PTPRO: variants seen among roughly 807,000 people sequenced by gnomAD.
PTPRO encodes the protein receptor-type tyrosine-protein phosphatase O.
In PTPRO, 62 loss-of-function variants were observed where a neutral mutation model predicts 145.2. The ratio of observed to expected loss-of-function variants is 0.43; its 90% CI spans 0.35 to 0.53. The LOEUF (loss-of-function observed/expected upper bound fraction) is 0.53. Ranked by LOEUF, PTPRO falls within the 20% of genes least tolerant of loss-of-function variation. The probability of loss-of-function intolerance (pLI) is 0.01; values close to 1 mark genes in which losing one functional copy is unlikely to be tolerated. For missense variants in PTPRO, 1,345 were observed against 1,482.7 expected (o/e 0.91, Z 1.53); for synonymous variants, 565 against 514.7 (o/e 1.10, Z -1.32).
At chr12:15,402,389 G>GAA (rs916295955) in intron 1 of PTPRO, among the ~76,000 whole-genome samples, 7 of 137,982 alleles carry the variant, frequency 5.1e-5, no homozygotes, top group Non-Finnish European at 9.5e-5. Context: ...TCCATTTCAA[G>GAA]AAAAAAAAAA....
intron 1 of PTPRO, among the ~76,000 whole-genome samples, chr12:15,326,419 C>T (rs1356758150): frequency 1.3e-5 from 2 of 152,200 alleles, no homozygotes; most frequent in African/African-American, 4.8e-5. Flanking sequence ...CCACTGTGAA[C>T]ATATGTTTCC....
At chr12:15,487,581 C>T (rs1941916102) in intron 2 of PTPRO, among the ~76,000 whole-genome samples, 1 of 152,072 alleles carries the variant, frequency 6.6e-6, no homozygotes, top group Admixed American at 6.5e-5. Flanking sequence ...CCCATACCCC[C>T]ATCCCCAGCC....
At chr12:15,517,011 A>T (rs1942614341) in intron 9 of PTPRO, 55 bp downstream of exon 9, 1 of 1,408,422 alleles carries the variant, frequency 7.1e-7, no homozygotes, top group Non-Finnish European at 1.0e-6. Context: ...GCAAACCTTT[A>T]TGTACCAAAT....
At chr12:15,491,992 G>T (rs974569508) in intron 2 of PTPRO, among the ~76,000 whole-genome samples, 2 of 152,150 alleles carry the variant, frequency 1.3e-5, no homozygotes, top group African/African-American at 4.8e-5. Flanking sequence ...ACCTGAGGAT[G>T]CAGGAGACAC....
At position 15,589,531 on chromosome 12, in the gene PTPRO, G is replaced by A. The variant is rs780715086; in HGVS notation, c.3487G>A (p.Asp1163Asn). ...LQHIRDHEFVDILGLVSEMRS... is the reference protein window; with the variant it reads ...LQHIRDHEFVNILGLVSEMRS... ...GCACATTCGGGATCATGAGTTTGTTGACATCTTAGGGCTGGTGTCAGAAAT... is the reference window on the plus strand; with the variant it reads ...GCACATTCGGGATCATGAGTTTGTTAACATCTTAGGGCTGGTGTCAGAAAT... Residue 1163 changes from aspartate (D) to asparagine (N), a missense_variant, in exon 25 of 27, where the codon GAC (aspartate) becomes AAC (asparagine). Physicochemically the swap from Asp to Asn is conservative, Grantham distance 23. Coordinates refer to ENST00000281171, the MANE Select transcript of PTPRO (RefSeq NM_030667.3). 1 of 1,614,092 alleles carries A rather than the reference G, an allele frequency of 6.2e-7. No homozygotes were observed. The highest frequency in any genetic ancestry group is 1.1e-5 in the South Asian group (1 of 91,078).
chr12:15,424,589 G>A (rs1453051221), intron 1 of PTPRO, among the ~76,000 whole-genome samples: 13 of 152,036 alleles, frequency 8.6e-5, no homozygotes, highest in Admixed American at 7.9e-4. Flanking sequence ...TCAGGAGATG[G>A]TGAGTTCCAC....
intron 1 of PTPRO, among the ~76,000 whole-genome samples, chr12:15,430,731 C>T (rs1940412590): frequency 6.6e-6 from 1 of 151,936 alleles, no homozygotes; most frequent in African/African-American, 2.4e-5. Flanking sequence ...GTGTTCCCAC[C>T]ACACACACAA....
intron 1 of PTPRO, among the ~76,000 whole-genome samples, chr12:15,329,433 A>G (rs1047642810): frequency 6.6e-6 from 1 of 152,186 alleles, no homozygotes; most frequent in African/African-American, 2.4e-5. Context: ...GATAAACTCT[A>G]GTATTCCTGC....
chr12:15,593,560 A>T (rs921026564), intron 25 of PTPRO, among the ~76,000 whole-genome samples: 2 of 152,128 alleles, frequency 1.3e-5, no homozygotes, highest in Non-Finnish European at 2.9e-5. Flanking sequence ...CTCATTTAGG[A>T]TTTTACTATG....
At chr12:15,442,174 T>C (rs1456263309) in intron 1 of PTPRO, among the ~76,000 whole-genome samples, 1 of 152,174 alleles carries the variant, frequency 6.6e-6, no homozygotes, top group Admixed American at 6.5e-5. Context: ...ACTTCATTCC[T>C]GGAATGCAAG....
chr12:15,398,138 G>T (rs1196963156), intron 1 of PTPRO, among the ~76,000 whole-genome samples: 3 of 152,130 alleles, frequency 2.0e-5, no homozygotes, highest in Non-Finnish European at 4.4e-5. Context: ...TGGTCGTGAT[G>T]GGTCTGATTT....
intron 23 of PTPRO, among the ~76,000 whole-genome samples, chr12:15,582,809 T>C (rs1003922948): frequency 2.0e-5 from 3 of 152,316 alleles, no homozygotes; most frequent in South Asian, 2.1e-4. Context: ...TGAAGGGCTA[T>C]TGATTTCTGA....
intron 4 of PTPRO, among the ~76,000 whole-genome samples, chr12:15,501,184 A>G (rs1942213817): frequency 2.0e-5 from 3 of 152,222 alleles, no homozygotes; most frequent in African/African-American, 2.4e-5. Context: ...TGTAGGTGCA[A>G]CTATGTCACA....
Position 15,322,651 on chromosome 12 carries a change from C to A in PTPRO, c.-76C>A, listed in dbSNP as rs1366385417. Reference sequence around the variant, plus strand: ...GCGCCCAGGGTCTGAGGCTGCAGCCCCAGTTCGCCATTGTGAGCCGCCGCC... The same window carrying A: ...GCGCCCAGGGTCTGAGGCTGCAGCCACAGTTCGCCATTGTGAGCCGCCGCC... On this transcript the variant is annotated 5_prime_UTR_variant, in exon 1 of 27. Coordinates refer to ENST00000281171, the MANE Select transcript of PTPRO (RefSeq NM_030667.3). This position sits in a 1 kb window ranked among gnomAD's most constrained non-coding sequence, Gnocchi z 6.3. The A allele has an allele frequency of 7.8e-7, 1 of 1,273,990 alleles. No individual in the cohort carries two copies. The highest frequency in any genetic ancestry group is 1.1e-6 in the Non-Finnish European group (1 of 893,776). 78.9% of individuals were successfully genotyped at this position (1,273,990 alleles called of 1,614,324 possible).
At chr12:15,428,066 T>C (rs967962378) in intron 1 of PTPRO, among the ~76,000 whole-genome samples, 1 of 152,070 alleles carries the variant, frequency 6.6e-6, no homozygotes, top group African/African-American at 2.4e-5. Flanking sequence ...GAGAGAGAAA[T>C]GTGTGGGTCT....
intron 1 of PTPRO, among the ~76,000 whole-genome samples, chr12:15,356,015 G>C (rs1433783435): frequency 6.6e-6 from 1 of 152,218 alleles, no homozygotes. Context: ...TGTGACTGGA[G>C]TGTTGCCTGA....
rs748211493 is a variant in PTPRO at position 15,501,859 on chromosome 12, G to C, written c.901G>C (p.Asp301His). ...AACTACGTCTCAGCCATATTGGTGG[G>C]ACAGTGCATCTGCAGCTCCTGAAAG... ...YETTSQPYWWDSASAAPESED... is the reference protein window; with the variant it reads ...YETTSQPYWWHSASAAPESED... The change falls in exon 5 of 27, where the codon GAC becomes CAC. Residue 301 changes from aspartate (D) to histidine (H), a missense_variant. Physicochemically the swap from Asp to His is moderately conservative, Grantham distance 81. Around this residue, in one of 3 missense-constraint regions of PTPRO, gnomAD observed 1,130 missense variants for 1,214.7 expected, o/e 0.93. Transcript: ENST00000281171. 1.2e-6 allele frequency: 2 copies of C among 1,614,102 alleles called. No homozygotes were observed. The highest frequency in any genetic ancestry group is 3.3e-5 in the Admixed American group (2 of 60,014).
intron 7 of PTPRO, among the ~76,000 whole-genome samples, chr12:15,509,804 G>A (rs1264742817): frequency 1.3e-5 from 2 of 152,146 alleles, no homozygotes; most frequent in African/African-American, 2.4e-5. Flanking sequence ...AGAGTGAGGG[G>A]CAGGCAGAGA....
intron 1 of PTPRO, among the ~76,000 whole-genome samples, chr12:15,337,070 G>C (rs1866788806): frequency 6.6e-6 from 1 of 152,134 alleles, no homozygotes; most frequent in African/African-American, 2.4e-5. Context: ...TCCAGTTGTG[G>C]AGCTAAGGCA....
Sources: gnomAD v4.1 joint callset for allele counts (sites outside exome capture counted in the v4.1 genomes callset) on GRCh38, gnomAD v4.1.1 for gene constraint, gnomAD v4.1.1 regional missense constraint, Gnocchi (gnomAD v3.1) non-coding constraint, MANE v1.5 for transcripts, NCBI Gene and HGNC (gene_info 2026-07-23, HGNC 2026-07-21) for gene names.